The following KAT2B variants were observed in gnomAD, a reference collection of about 807,000 sequenced individuals.
The protein encoded by KAT2B is histone acetyltransferase KAT2B.
Under a neutral mutation model 105.9 loss-of-function variants are expected in KAT2B, and 36 were observed. The observed-to-expected ratio is 0.34, with a 90% CI of 0.26 to 0.45. The LOEUF (loss-of-function observed/expected upper bound fraction) is 0.45, where lower values mean the gene tolerates loss of function less well. Among genes scored for constraint, KAT2B ranks in the 20% least tolerant of loss-of-function variants. KAT2B has a pLI of 1.00. For missense variants in KAT2B, 820 were observed against 1,021.6 expected (o/e 0.80, Z 2.69); for synonymous variants, 397 against 377.9 (o/e 1.05, Z -0.59).
intron 5 of KAT2B, among the ~76,000 whole-genome samples, chr3:20,107,555 G>A (rs1236525962): frequency 6.7e-5 from 10 of 150,360 alleles, no homozygotes; most frequent in South Asian, 6.3e-4. Context: ...CTACTTGGGA[G>A]GCTGGGGCAG....
chr3:20,089,654 C>A (rs1278002333), intron 2 of KAT2B, among the ~76,000 whole-genome samples: 1 of 152,106 alleles, frequency 6.6e-6, no homozygotes, highest in Non-Finnish European at 1.5e-5. Flanking sequence ...CCTGCCTCAG[C>A]CTCCCAAAGT....
At chr3:20,141,251 A>G (rs550089548) in intron 13 of KAT2B, among the ~76,000 whole-genome samples, 65 of 152,190 alleles carry the variant, frequency 4.3e-4, no homozygotes, top group Non-Finnish European at 7.6e-4. Context: ...CTAGGTATTA[A>G]GTGATTTGTT....
intron 1 of KAT2B, among the ~76,000 whole-genome samples, chr3:20,062,098 C>CATATTAT (rs1559514061): frequency 1.3e-5 from 1 of 74,560 alleles, no homozygotes; most frequent in East Asian, 3.9e-4. Flanking sequence ...ATATATAAAA[C>CATATTAT]ATATAATATA....
chr3:20,100,108 G>C (rs958409113), intron 4 of KAT2B, among the ~76,000 whole-genome samples, 154 bp downstream of exon 4: 7 of 152,184 alleles, frequency 4.6e-5, no homozygotes, highest in African/African-American at 1.4e-4. Flanking sequence ...CTTTGGATCA[G>C]AGGTGTATAC....
At chr3:20,124,571 C>T (rs932658666) in intron 9 of KAT2B, among the ~76,000 whole-genome samples, 1 of 152,154 alleles carries the variant, frequency 6.6e-6, no homozygotes, top group Non-Finnish European at 1.5e-5. Context: ...CCCACTAGGC[C>T]CCACCTCCAA....
chr3:20,148,230 T>C lies in KAT2B; in HGVS notation c.2157-13T>C, dbSNP rs1699811013. The C allele has an allele frequency of 6.2e-7, 1 of 1,610,226 alleles. No individual in the cohort carries two copies. Among genetic ancestry groups the C allele is most frequent in the East Asian group, 2.2e-5 (1 of 44,862 alleles). On this transcript the variant is annotated splice_polypyrimidine_tract_variant and intron_variant, in intron 15 of 17. Transcript: ENST00000263754. ...TCTAATCATTGCTCCTTGTTTCCCT[T>C]TTTCCTTTCAAGTAAAGAGCCCAGA...
chr3:20,107,017 T>A (rs6768260), intron 5 of KAT2B, among the ~76,000 whole-genome samples: 133 of 22,820 alleles, frequency 5.8e-3, no homozygotes, highest in Non-Finnish European at 6.7e-3. Flanking sequence ...ATATATATAT[T>A]TTTTTTTTTT....
chr3:20,122,611 T>C, intron 8 of KAT2B, 57 bp from the exon 9 acceptor site: 1 of 1,366,424 alleles, frequency 7.3e-7, no homozygotes, highest in Non-Finnish European at 1.0e-6. Context: ...TTGGCGTGTA[T>C]TATTTGTTTT....
chr3:20,122,579 A>G (rs1699329481), intron 8 of KAT2B, 89 bp from the exon 9 acceptor site: 2 of 1,037,516 alleles, frequency 1.9e-6, no homozygotes, highest in South Asian at 1.6e-5. Context: ...CTCCATGCCC[A>G]TCAATGCTGT....
At chr3:20,069,026 G>C (rs1417685926) in intron 1 of KAT2B, among the ~76,000 whole-genome samples, 1 of 152,142 alleles carries the variant, frequency 6.6e-6, no homozygotes, top group African/African-American at 2.4e-5. Flanking sequence ...CTTTTGTAGG[G>C]GAAGAAAGCT....
intron 5 of KAT2B, among the ~76,000 whole-genome samples, chr3:20,101,935 A>G (rs1054181805): frequency 1.3e-5 from 2 of 152,222 alleles, no homozygotes; most frequent in Admixed American, 6.5e-5. Flanking sequence ...TATCTATTGA[A>G]TATAGTTGAC....
intron 6 of KAT2B, 64 bp downstream of exon 6, chr3:20,111,851 C>T (rs1699127532): frequency 8.9e-6 from 11 of 1,237,894 alleles, no homozygotes; most frequent in Non-Finnish European, 1.1e-5. Flanking sequence ...AATACAATGC[C>T]AAAGCCTGCA....
intron 2 of KAT2B, among the ~76,000 whole-genome samples, chr3:20,084,641 C>T (rs899726167): frequency 2.0e-5 from 3 of 152,042 alleles, no homozygotes; most frequent in African/African-American, 7.2e-5. Flanking sequence ...TCATTATGGG[C>T]AGAGTCAGAG....
At chr3:20,150,173 T>C (rs992361230) in intron 17 of KAT2B, among the ~76,000 whole-genome samples, 1 of 152,210 alleles carries the variant, frequency 6.6e-6, no homozygotes, top group African/African-American at 2.4e-5. Context: ...TGGGCTGAAA[T>C]GTGTGCTGGA....
chr3:20,126,670 A>G (rs754103404), intron 10 of KAT2B, among the ~76,000 whole-genome samples: 10 of 152,106 alleles, frequency 6.6e-5, no homozygotes, highest in Non-Finnish European at 4.4e-5. Context: ...TAAAAATACA[A>G]AATTAGCCAG....
intron 5 of KAT2B, among the ~76,000 whole-genome samples, chr3:20,109,310 A>G (rs1286379857): frequency 2.0e-5 from 3 of 151,716 alleles, no homozygotes; most frequent in African/African-American, 7.3e-5. Context: ...AGATAGATAG[A>G]TAGATAGATA....
At chr3:20,139,459 T>A (rs1412997201) in intron 12 of KAT2B, among the ~76,000 whole-genome samples, 2 of 152,148 alleles carry the variant, frequency 1.3e-5, no homozygotes, top group Non-Finnish European at 2.9e-5. Flanking sequence ...GACTTGTCTG[T>A]AGTCCTCTTT....
chr3:20,088,028 T>C (rs1698651758), intron 2 of KAT2B, among the ~76,000 whole-genome samples: 1 of 152,134 alleles, frequency 6.6e-6, no homozygotes, highest in Non-Finnish European at 1.5e-5. Flanking sequence ...TCCTCCTACT[T>C]CAGCCTTCCA....
At chr3:20,081,060 TG>T (rs1265059667) in intron 2 of KAT2B, among the ~76,000 whole-genome samples, 1 of 152,212 alleles carries the variant, frequency 6.6e-6, no homozygotes, top group African/African-American at 2.4e-5. Flanking sequence ...CACTTTTAAA[TG>T]ATAAGCCTTT....
Sources: allele counts gnomAD v4.1 joint callset (sites outside exome capture counted in the v4.1 genomes callset), GRCh38; gene constraint gnomAD v4.1.1; transcripts MANE v1.5; gene names NCBI Gene and HGNC (gene_info 2026-07-23, HGNC 2026-07-21).